Variants in CATSPERB observed in about 807,000 individuals in gnomAD.
The protein encoded by CATSPERB is catsper channel auxiliary subunit beta, also known as cation channel sperm-associated auxiliary subunit beta.
A neutral mutation model predicts 128.3 loss-of-function variants in CATSPERB; 93 were observed. The ratio of observed to expected loss-of-function variants is 0.72; its 90% CI spans 0.61 to 0.86. CATSPERB has a LOEUF of 0.86. Ranked by LOEUF, CATSPERB falls within the 40% of genes least tolerant of loss-of-function variation. The probability of loss-of-function intolerance (pLI) is 0.00; values close to 1 mark genes in which losing one functional copy is unlikely to be tolerated. For missense variants in CATSPERB, 1,153 were observed against 1,329.5 expected, an observed-to-expected ratio of 0.87 and a Z score of 2.06; for synonymous variants, 381 against 448.8, an observed-to-expected ratio of 0.85 and a Z score of 1.91.
chr14:91,666,897 C>T (rs1032737143), intron 14 of CATSPERB, among the ~76,000 whole-genome samples: 6 of 152,178 alleles, frequency 3.9e-5, no homozygotes, highest in African/African-American at 1.4e-4. Flanking sequence ...CAGATTTATG[C>T]CGCCCGAGAT....
chr14:91,712,752 C>A (rs1327416149), intron 5 of CATSPERB, among the ~76,000 whole-genome samples: 1 of 152,152 alleles, frequency 6.6e-6, no homozygotes, highest in Non-Finnish European at 1.5e-5. Context: ...GGGAACCAAC[C>A]CAAGATTGAA....
chr14:91,665,470 A>G (rs1285808934), intron 14 of CATSPERB, among the ~76,000 whole-genome samples: 1 of 152,212 alleles, frequency 6.6e-6, no homozygotes, highest in Non-Finnish European at 1.5e-5. Context: ...TATTTAGATG[A>G]TCGCCTGTTA....
chr14:91,699,800 T>C (rs916800985), intron 7 of CATSPERB, among the ~76,000 whole-genome samples: 8 of 152,084 alleles, frequency 5.3e-5, no homozygotes, highest in African/African-American at 1.9e-4. Context: ...CTTGAACTCC[T>C]GACCTCAGGT....
intron 14 of CATSPERB, among the ~76,000 whole-genome samples, chr14:91,662,585 A>G (rs1410776125): frequency 6.6e-6 from 1 of 152,236 alleles, no homozygotes; most frequent in African/African-American, 2.4e-5. Flanking sequence ...GACATAGGAT[A>G]TGCAAATATT....
At chr14:91,606,960 G>T (rs112181639) in intron 22 of CATSPERB, among the ~76,000 whole-genome samples, 20 of 50,690 alleles carry the variant, frequency 3.9e-4, no homozygotes, top group African/African-American at 5.7e-4. Context: ...TTTGTCTTTG[G>T]GAGAAACTGG....
At chr14:91,654,207 T>C (rs943733652) in intron 15 of CATSPERB, among the ~76,000 whole-genome samples, 7 of 152,026 alleles carry the variant, frequency 4.6e-5, no homozygotes, top group Non-Finnish European at 8.8e-5. Flanking sequence ...GAACATCAAA[T>C]TGAACAATGA....
chr14:91,720,148 A>C (rs1896006098), intron 4 of CATSPERB, among the ~76,000 whole-genome samples: 1 of 152,130 alleles, frequency 6.6e-6, no homozygotes, highest in Non-Finnish European at 1.5e-5. Flanking sequence ...GGTAAATCCA[A>C]AGAGAAAAAT....
intron 15 of CATSPERB, among the ~76,000 whole-genome samples, chr14:91,640,105 C>G (rs1333503403): frequency 6.6e-6 from 1 of 152,076 alleles, no homozygotes; most frequent in East Asian, 1.9e-4. Flanking sequence ...GTTGGTTAGG[C>G]CTCTCAAAGT....
At chr14:91,682,404 C>T (rs866474699) in intron 11 of CATSPERB, among the ~76,000 whole-genome samples, 1 of 152,140 alleles carries the variant, frequency 6.6e-6, no homozygotes, top group East Asian at 1.9e-4. Flanking sequence ...ACACCACAAC[C>T]GCAGCACACC....
intron 15 of CATSPERB, among the ~76,000 whole-genome samples, chr14:91,652,546 C>T (rs1441005949): frequency 2.7e-5 from 4 of 150,634 alleles, no homozygotes; most frequent in African/African-American, 7.3e-5. Flanking sequence ...TGGCGGGTAT[C>T]TGTAATCCCA....
chr14:91,638,403 T>TC (rs201004266), intron 16 of CATSPERB, among the ~76,000 whole-genome samples: 4 of 150,138 alleles, frequency 2.7e-5, no homozygotes, highest in African/African-American at 4.9e-5. Context: ...CATGTTCCTT[T>TC]TTTTTTTTTT....
chr14:91,637,129 C>G (rs1428732436), intron 16 of CATSPERB, among the ~76,000 whole-genome samples: 1 of 152,276 alleles, frequency 6.6e-6, no homozygotes, highest in South Asian at 2.1e-4. Flanking sequence ...TTTCAACACA[C>G]CTTTCTCTAA....
At chr14:91,605,187 T>C (rs1410631870) in intron 22 of CATSPERB, 9 of 1,551,218 alleles carry the variant, frequency 5.8e-6, no homozygotes, top group Admixed American at 1.7e-5. Context: ...ATGTGAGGCA[T>C]CTCAGCAGAA....
chr14:91,695,374 G>A (rs111739381), intron 7 of CATSPERB, among the ~76,000 whole-genome samples: 14 of 152,020 alleles, frequency 9.2e-5, no homozygotes, highest in African/African-American at 2.4e-4. Context: ...CAAGTGATTC[G>A]CCCACCTCAG....
chr14:91,659,873 C>T lies in CATSPERB; in HGVS notation c.1396G>A (p.Val466Ile), dbSNP rs1163097843. ...GAGTAAACCTTTCCACGTTGAGAAACAAAAGTAATAGCTGATGTATAAAAA... is the reference window on the plus strand; with the variant it reads ...GAGTAAACCTTTCCACGTTGAGAAATAAAAGTAATAGCTGATGTATAAAAA... ...HSFYTSAITF[V>I]SQRGKVYSTK... The change falls in exon 15 of 27, where the codon GTT becomes ATT. Residue 466 changes from valine (V) to isoleucine (I), a missense_variant. Coordinates refer to ENST00000256343, the MANE Select transcript of CATSPERB (RefSeq NM_024764.4). 6.2e-7 allele frequency: 1 copy of T among 1,605,734 alleles called. No homozygotes were observed.
At chr14:91,609,136 G>GT (rs1893771697) in intron 21 of CATSPERB, among the ~76,000 whole-genome samples, 1 of 152,056 alleles carries the variant, frequency 6.6e-6, no homozygotes, top group Non-Finnish European at 1.5e-5. Flanking sequence ...TGAATTGTCT[G>GT]TCTGAAATCC....
At chr14:91,680,141 A>G (rs1314573150) in intron 11 of CATSPERB, among the ~76,000 whole-genome samples, 1 of 152,206 alleles carries the variant, frequency 6.6e-6, no homozygotes, top group Admixed American at 6.5e-5. Context: ...TCTGTGCCTT[A>G]ATTCTAAATA....
At chr14:91,686,301 T>C (rs1255468529) in intron 10 of CATSPERB, among the ~76,000 whole-genome samples, 1 of 152,226 alleles carries the variant, frequency 6.6e-6, no homozygotes, top group Non-Finnish European at 1.5e-5. Flanking sequence ...TCGTTCACTA[T>C]GGAATCATTC....
chr14:91,597,053 A>T (rs939973995), intron 22 of CATSPERB, among the ~76,000 whole-genome samples: 1 of 144,894 alleles, frequency 6.9e-6, no homozygotes, highest in African/African-American at 2.5e-5. Context: ...CGCCCAGCTA[A>T]TTTTTTTTTT....
Sources: allele counts gnomAD v4.1 joint callset (sites outside exome capture counted in the v4.1 genomes callset), GRCh38; gene constraint gnomAD v4.1.1; transcripts MANE v1.5; gene names NCBI Gene and HGNC (gene_info 2026-07-23, HGNC 2026-07-21).